BDNF: variants seen among roughly 807,000 people sequenced by gnomAD.
BDNF encodes the protein brain derived neurotrophic factor, also known as neurotrophic factor BDNF precursor form.
A neutral mutation model predicts 19.5 loss-of-function variants in BDNF; 1 was observed. The observed-to-expected ratio is 0.05, with a 90% CI of 0.02 to 0.24. The LOEUF (loss-of-function observed/expected upper bound fraction) is 0.24. BDNF is among the 10% of genes least tolerant of loss of function. BDNF has a pLI of 1.00. For missense variants in BDNF, 195 were observed against 317.6 expected (o/e 0.61, Z 2.93); for synonymous variants, 100 against 121.6 (o/e 0.82, Z 1.17).
intron 1 of BDNF, among the ~76,000 whole-genome samples, chr11:27,686,205 C>T (rs1171267867): frequency 6.6e-6 from 1 of 152,074 alleles, no homozygotes; most frequent in Non-Finnish European, 1.5e-5. Flanking sequence ...TTATCAGAGA[C>T]TAGGATTGCA....
At chr11:27,693,670 C>T (rs1307012948) in intron 1 of BDNF, among the ~76,000 whole-genome samples, 1 of 152,158 alleles carries the variant, frequency 6.6e-6, no homozygotes, top group African/African-American at 2.4e-5. Flanking sequence ...GCAAATTTCT[C>T]GACCTTCAGA....
chr11:27,690,173 C>T (rs551409565), intron 1 of BDNF, among the ~76,000 whole-genome samples: 21 of 152,272 alleles, frequency 1.4e-4, no homozygotes, highest in African/African-American at 4.8e-4. Context: ...TATTTCTAAA[C>T]ATTATACAAT....
chr11:27,699,399 T>A (rs373221153), intron 1 of BDNF: 1 of 1,613,944 alleles, frequency 6.2e-7, no homozygotes, highest in Non-Finnish European at 8.5e-7. Flanking sequence ...TCTTCCCGGC[T>A]CTGCATCCCC....
chr11:27,676,069 A>G (rs761200491), intron 1 of BDNF: 5 of 152,262 alleles, frequency 3.3e-5, no homozygotes, highest in Non-Finnish European at 5.9e-5. Flanking sequence ...GGAAGAGAGC[A>G]CACTTTTAGA....
At chr11:27,716,861 G>A (rs1860533985) in intron 1 of BDNF, among the ~76,000 whole-genome samples, 1 of 152,110 alleles carries the variant, frequency 6.6e-6, no homozygotes, top group African/African-American at 2.4e-5. Context: ...AATGTTACTT[G>A]AGCAAGTTTG....
intron 1 of BDNF, chr11:27,699,779 C>G (rs1235795395): frequency 1.8e-6 from 2 of 1,127,792 alleles, no homozygotes; most frequent in Non-Finnish European, 1.2e-6. Flanking sequence ...CTAGCCCCAG[C>G]ACCCTCCCCT....
chr11:27,655,832 G>A lies in BDNF; in HGVS notation c.*1989C>T, dbSNP rs1305914540. On this transcript the variant is annotated 3_prime_UTR_variant, in exon 2 of 2. Coordinates refer to ENST00000356660, the MANE Select transcript of BDNF (RefSeq NM_001709.5). ...GTGAAATGGGCTGAATGGGCTTAGA[G>A]CTCTAGTTTTCACTGGGGATCCATT... The A allele has an allele frequency of 6.6e-6, 1 of 152,206 alleles. No homozygotes were observed. Among genetic ancestry groups the A allele is most frequent in the East Asian group, 1.9e-4 (1 of 5,182 alleles). The allele number at this position is 152,206 out of a possible 1,614,324, so 9.4% of individuals were successfully genotyped here.
At chr11:27,666,261 A>T (rs1307348549) in intron 1 of BDNF, among the ~76,000 whole-genome samples, 1 of 152,206 alleles carries the variant, frequency 6.6e-6, no homozygotes, top group Non-Finnish European at 1.5e-5. Context: ...CCAAAACCCC[A>T]TCTGTACGTC....
intron 1 of BDNF, 71 bp downstream of exon 1, chr11:27,700,093 G>GA: frequency 1.0e-6 from 1 of 984,698 alleles, no homozygotes; most frequent in Non-Finnish European, 1.2e-6. Flanking sequence ...TGGGGTGGGG[G>GA]ATCCCCCAGT....
rs1053990957 is a variant in BDNF at position 27,657,279 on chromosome 11, CCCCCCAT to C, written c.*535_*541del. 8.5e-5 allele frequency: 84 copies of C among 985,754 alleles called. No homozygotes were observed. Among genetic ancestry groups the C allele is most frequent in the Middle Eastern group, 5.2e-4 (1 of 1,912 alleles). 61.1% of individuals were successfully genotyped at this position (985,754 alleles called of 1,614,324 possible). On this transcript the variant is annotated 3_prime_UTR_variant, in exon 2 of 2. Transcript: ENST00000356660. This position sits in a 1 kb window ranked among gnomAD's most constrained non-coding sequence, Gnocchi z 5.0. ...AAAACACAAAACAAACAAAAATATA[CCCCCCAT>C]CCCCCATCCCCTAAGCCAGTAAAGC...
chr11:27,670,735 C>T (rs1031868937), intron 1 of BDNF, among the ~76,000 whole-genome samples: 1 of 151,998 alleles, frequency 6.6e-6, no homozygotes, highest in African/African-American at 2.4e-5. Flanking sequence ...GTTAGAATGG[C>T]GATCATTAAA....
In BDNF at chr11:27,700,162, A is replaced by G. The variant is rs1859736451; in HGVS notation, c.-22+2T>C. On this transcript the variant is annotated splice_donor_variant, in intron 1 of 1. Coordinates refer to ENST00000356660, the MANE Select transcript of BDNF (RefSeq NM_001709.5). LOFTEE classifies it low-confidence loss of function (5UTR_SPLICE). ...CAAGCCCCATTCCCAGCGCTTGCCT[A>G]CCTCGGGGTCCACACAAACCTCACG... 2.0e-6 allele frequency: 2 copies of G among 985,680 alleles called. No individual in the cohort carries two copies. Among genetic ancestry groups the G allele is most frequent in the African/African-American group, 1.7e-5 (1 of 57,318 alleles). The allele number at this position is 985,680 out of a possible 1,614,324, so 61.1% of individuals were successfully genotyped here.
upstream of BDNF, among the ~76,000 whole-genome samples, chr11:27,702,667 A>G (rs557279416): frequency 7.9e-5 from 12 of 152,242 alleles, no homozygotes; most frequent in African/African-American, 2.9e-4. Context: ...ATATTATTAC[A>G]TACTCAGTTC....
intron 1 of BDNF, among the ~76,000 whole-genome samples, chr11:27,670,014 C>G (rs550708638): frequency 6.6e-6 from 1 of 152,162 alleles, no homozygotes; most frequent in Non-Finnish European, 1.5e-5. Context: ...AACTATATTA[C>G]AAGGCTACAG....
intron 1 of BDNF, chr11:27,720,546 C>G: frequency 1.1e-5 from 11 of 983,214 alleles, no homozygotes; most frequent in Non-Finnish European, 1.3e-5. Context: ...AAATCTGACT[C>G]TCTCTCCAGC....
At chr11:27,660,225 T>G in intron 1 of BDNF, 1 of 1,240,828 alleles carries the variant, frequency 8.1e-7, no homozygotes, top group South Asian at 1.4e-5. Context: ...GTTCTCCACT[T>G]TTGTAAGAAA....
intron 1 of BDNF, chr11:27,691,168 A>G (rs375390862): frequency 6.6e-6 from 1 of 152,220 alleles, no homozygotes; most frequent in African/African-American, 2.4e-5. Context: ...GCTACCAGTC[A>G]ATAATTAAAA....
intron 1 of BDNF, chr11:27,720,488 T>C: frequency 1.0e-6 from 1 of 985,838 alleles, no homozygotes; most frequent in South Asian, 4.7e-5. Flanking sequence ...TTCAGCGAGC[T>C]CAATGAGGGG....
intron 1 of BDNF, among the ~76,000 whole-genome samples, chr11:27,708,282 A>G (rs1860189424): frequency 6.6e-6 from 1 of 152,198 alleles, no homozygotes; most frequent in Non-Finnish European, 1.5e-5. Flanking sequence ...TTATAACCAG[A>G]TTGTGGATGT....
Sources: gnomAD v4.1 joint callset for allele counts (sites outside exome capture counted in the v4.1 genomes callset) on GRCh38, gnomAD v4.1.1 for gene constraint, Gnocchi (gnomAD v3.1) non-coding constraint, MANE v1.5 for transcripts, NCBI Gene and HGNC (gene_info 2026-07-23, HGNC 2026-07-21) for gene names.